The following NFIA variants were observed in gnomAD, a reference collection of about 807,000 sequenced individuals.
NFIA encodes nuclear factor 1 A-type.
A neutral mutation model predicts 62.8 loss-of-function variants in NFIA; 8 were observed. That is an observed-to-expected ratio of 0.13 (90% CI 0.07 to 0.23). NFIA has a LOEUF of 0.23. NFIA is among the 10% of genes least tolerant of loss of function. NFIA has a pLI of 1.00. For missense variants in NFIA, 410 were observed against 642.1 expected (o/e 0.64, Z 3.91); for synonymous variants, 235 against 238.1 (o/e 0.99, Z 0.12).
At chr1:61,202,899 GCCT>G (rs1652603799) in intron 2 of NFIA, among the ~76,000 whole-genome samples, 2 of 152,144 alleles carry the variant, frequency 1.3e-5, no homozygotes, top group African/African-American at 4.8e-5. Context: ...TATTGTTAAA[GCCT>G]CATGTAAATC....
rs186020452 is a variant in NFIA at position 61,443,600 on chromosome 1, G to C, written c.1513-11703G>C. ...CAGGTATGCTCACCTATCAGGAAAG[G>C]ACTGCTCCAGTATGAAAAGATGCTA... On this transcript the variant is annotated intron_variant, in intron 10 of 10. Transcript: ENST00000403491. Among the ~76,000 whole-genome samples, 49 of 152,316 alleles carry C rather than the reference G, an allele frequency of 3.2e-4. No homozygotes were observed. The Middle Eastern group carries it at 0.01, about 32-fold the overall frequency.
chr1:61,439,643 C>T (rs1277609582), intron 10 of NFIA: 1 of 152,154 alleles, frequency 6.6e-6, no homozygotes, highest in Non-Finnish European at 1.5e-5. Context: ...GAACATTTTT[C>T]AACTGGAGAG....
intron 2 of NFIA, among the ~76,000 whole-genome samples, chr1:61,189,171 T>TC (rs1458670982): frequency 2.6e-5 from 4 of 152,120 alleles, no homozygotes; most frequent in Non-Finnish European, 5.9e-5. Flanking sequence ...TCTTGGCAGG[T>TC]CGTGGGCTGG....
intron 2 of NFIA, among the ~76,000 whole-genome samples, chr1:61,230,250 A>G (rs540097277): frequency 6.6e-6 from 1 of 152,348 alleles, no homozygotes; most frequent in East Asian, 1.9e-4. Flanking sequence ...CAGGAGAGCA[A>G]TAAAAAACAG....
At chr1:61,236,224 G>A (rs1330618234) in intron 2 of NFIA, among the ~76,000 whole-genome samples, 1 of 152,016 alleles carries the variant, frequency 6.6e-6, no homozygotes, top group Admixed American at 6.5e-5. Flanking sequence ...GTATCAACAT[G>A]GGAACAGCCA....
intron 6 of NFIA, among the ~76,000 whole-genome samples, chr1:61,363,083 G>A (rs1286801308): frequency 2.0e-5 from 3 of 152,186 alleles, no homozygotes; most frequent in Admixed American, 2.0e-4. Flanking sequence ...TTTAAAATAT[G>A]CAAAATATAA....
At chr1:61,225,837 A>G (rs1192985148) in intron 2 of NFIA, among the ~76,000 whole-genome samples, 3 of 152,166 alleles carry the variant, frequency 2.0e-5, no homozygotes, top group African/African-American at 4.8e-5. Context: ...AACACACACA[A>G]TACAACACCA....
At chr1:61,081,064 T>G (rs567135044), upstream of NFIA, among the ~76,000 whole-genome samples, 9 of 152,272 alleles carry the variant, frequency 5.9e-5, no homozygotes, top group East Asian at 1.7e-3. Context: ...GAAGGGCAGA[T>G]TCCCCTGTGT....
intron 9 of NFIA, among the ~76,000 whole-genome samples, chr1:61,414,615 G>T (rs1380042951): frequency 6.6e-6 from 1 of 151,418 alleles, no homozygotes; most frequent in African/African-American, 2.4e-5. Context: ...ACTTAAGTAT[G>T]AATTGGTTTC....
intron 2 of NFIA, among the ~76,000 whole-genome samples, chr1:61,093,130 G>A (rs997218153): frequency 2.6e-5 from 4 of 151,852 alleles, no homozygotes; most frequent in African/African-American, 9.7e-5. Flanking sequence ...TTAGTTTGAG[G>A]CAACATTGCA....
intron 2 of NFIA, among the ~76,000 whole-genome samples, chr1:61,268,809 C>T (rs1368259933): frequency 1.3e-5 from 2 of 152,136 alleles, no homozygotes; most frequent in Non-Finnish European, 2.9e-5. Flanking sequence ...GGTGTGTCAT[C>T]TGATCCATGG....
At chr1:61,230,706 C>G (rs986311644) in intron 2 of NFIA, among the ~76,000 whole-genome samples, 1 of 152,174 alleles carries the variant, frequency 6.6e-6, no homozygotes. Context: ...AAAGTCCACT[C>G]TCCTCACCCG....
intron 8 of NFIA, among the ~76,000 whole-genome samples, chr1:61,405,122 A>G (rs1435270922): frequency 6.6e-6 from 1 of 152,206 alleles, no homozygotes; most frequent in East Asian, 1.9e-4. Flanking sequence ...TTAGGATAGT[A>G]TGTCACACCA....
At chr1:61,344,843 G>A (rs766488) in intron 4 of NFIA, among the ~76,000 whole-genome samples, 54,700 of 152,006 alleles carry the variant, frequency 0.36, 10,700 homozygotes, top group African/African-American at 0.49. Flanking sequence ...AAATTTGTAT[G>A]GAAATTTTTT....
intron 3 of NFIA, among the ~76,000 whole-genome samples, chr1:61,325,095 C>T (rs1351043635): frequency 1.3e-5 from 2 of 152,206 alleles, no homozygotes; most frequent in Admixed American, 1.3e-4. Context: ...TTATCTGAGA[C>T]ATACTTAATG....
intron 2 of NFIA, among the ~76,000 whole-genome samples, chr1:61,200,953 G>A (rs1189389622): frequency 2.0e-5 from 3 of 150,670 alleles, no homozygotes; most frequent in Non-Finnish European, 4.4e-5. Context: ...ATCTTTTCAT[G>A]TATGAATGAT....
intron 2 of NFIA, among the ~76,000 whole-genome samples, chr1:61,257,673 A>G (rs1187908801): frequency 1.3e-5 from 2 of 151,474 alleles, no homozygotes; most frequent in African/African-American, 4.8e-5. Context: ...TTCCCCTCTC[A>G]TGTTATTTGA....
At chr1:61,275,262 T>C (rs1425919856) in intron 2 of NFIA, among the ~76,000 whole-genome samples, 4 of 152,154 alleles carry the variant, frequency 2.6e-5, no homozygotes, top group Non-Finnish European at 5.9e-5. Flanking sequence ...TTAAACTTTC[T>C]TTGGACATAC....
At chr1:61,352,144 A>G (rs1359798453) in intron 4 of NFIA, among the ~76,000 whole-genome samples, 1 of 152,226 alleles carries the variant, frequency 6.6e-6, no homozygotes, top group Admixed American at 6.5e-5. Context: ...TCATTCCAGA[A>G]AAGTGTAAGA....
Sources: gnomAD v4.1 joint callset for allele counts (sites outside exome capture counted in the v4.1 genomes callset) on GRCh38, gnomAD v4.1.1 for gene constraint, MANE v1.5 for transcripts, NCBI Gene and HGNC (gene_info 2026-07-23, HGNC 2026-07-21) for gene names.